The following ENPP2 variants were observed in gnomAD, a reference collection of about 807,000 sequenced individuals.
The protein encoded by ENPP2 is autotaxin.
In ENPP2, 51 loss-of-function variants were observed where a neutral mutation model predicts 120.2. The observed-to-expected ratio is 0.42, with a 90% CI of 0.34 to 0.54. The LOEUF (loss-of-function observed/expected upper bound fraction) is 0.54. ENPP2 is among the 20% of genes least tolerant of loss of function. The pLI is 0.04. For synonymous variants in ENPP2, 365 were observed against 366.4 expected, an observed-to-expected ratio of 1.00 and a Z score of 0.04; for missense variants, 920 against 1,066.5, an observed-to-expected ratio of 0.86 and a Z score of 1.91.
chr8:119,576,415 A>G (rs1264612595), intron 19 of ENPP2, among the ~76,000 whole-genome samples: 3 of 152,160 alleles, frequency 2.0e-5, no homozygotes, highest in Non-Finnish European at 2.9e-5. Context: ...TGGGATTACA[A>G]GTGTGAGCCA....
intron 1 of ENPP2, among the ~76,000 whole-genome samples, chr8:119,647,560 A>G (rs774049139): frequency 7.2e-5 from 11 of 152,198 alleles, no homozygotes; most frequent in Admixed American, 3.9e-4. Context: ...CATATTTTTT[A>G]ACATTAAAAC....
chr8:119,586,662 T>G (rs962078642), intron 14 of ENPP2, among the ~76,000 whole-genome samples: 1 of 151,748 alleles, frequency 6.6e-6, no homozygotes, highest in Non-Finnish European at 1.5e-5. Context: ...GAGGAGCACA[T>G]GGGTTTAGGC....
At chr8:119,672,711 G>A (rs1818286933) in intron 1 of ENPP2, among the ~76,000 whole-genome samples, 1 of 152,242 alleles carries the variant, frequency 6.6e-6, no homozygotes, top group Admixed American at 6.5e-5. Flanking sequence ...ACATCTTTGT[G>A]GAGCCTGCGA....
chr8:119,621,454 A>C lies in ENPP2; in HGVS notation c.358T>G (p.Cys120Gly). 1 of 1,613,522 alleles carries C rather than the reference A, an allele frequency of 6.2e-7. No homozygotes were observed. Among genetic ancestry groups the C allele is most frequent in the South Asian group, 1.1e-5 (1 of 91,078 alleles). ...EVRNEENACH[C>G]SEDCLARGDC... ...CCCCTGGCCAAGCAGTCCTCTGAGC[A>C]GTGACAGGCATTTTCTTCATTTCTG... Residue 120 changes from cysteine to glycine, a missense_variant, in exon 4 of 25, where the codon TGC becomes GGC. Transcript: ENST00000075322.
rs953599485 is a variant in ENPP2, at chr8:119,673,278, G to A, written c.-6C>T. The A allele has an allele frequency of 2.5e-5, 39 of 1,535,188 alleles. 1 individual carries two copies. The highest frequency in any genetic ancestry group is 2.2e-4 in the African/African-American group (16 of 73,010). Reference sequence around the variant, plus strand: ...CGATCGGCGTGGCGGGTCATGCTGCGGGAGTCTCGGCGTCTGTTCCTGCCC... The same window carrying A: ...CGATCGGCGTGGCGGGTCATGCTGCAGGAGTCTCGGCGTCTGTTCCTGCCC... On this transcript the variant is annotated 5_prime_UTR_variant, in exon 1 of 26. Transcript: ENST00000427067.
intron 24 of ENPP2, 96 bp from the exon 25 acceptor site, chr8:119,557,787 ACT>A: frequency 9.9e-7 from 1 of 1,013,630 alleles, no homozygotes; most frequent in Non-Finnish European, 1.4e-6. Flanking sequence ...ACCTCTGTGC[ACT>A]CTTGCACACA....
intron 1 of ENPP2, among the ~76,000 whole-genome samples, chr8:119,653,989 A>G (rs1021300010): frequency 6.8e-6 from 1 of 147,136 alleles, no homozygotes; most frequent in South Asian, 2.1e-4. Flanking sequence ...ATATATCTAT[A>G]GAAAATATTA....
intron 21 of ENPP2, among the ~76,000 whole-genome samples, chr8:119,568,754 C>A (rs1326303228): frequency 6.6e-6 from 1 of 152,170 alleles, no homozygotes; most frequent in Non-Finnish European, 1.5e-5. Context: ...GCGTGTGCCA[C>A]CAGCTCAGCT....
chr8:119,644,587 A>AATATATATATATATAT (rs33966650), intron 1 of ENPP2, among the ~76,000 whole-genome samples: 164 of 59,872 alleles, frequency 2.7e-3, no homozygotes, highest in Middle Eastern at 0.015. Context: ...AGATTACTAA[A>AATATATATATATATAT]ATATATATAT....
At chr8:119,578,227 T>C (rs1812483784) in intron 19 of ENPP2, 1 of 152,086 alleles carries the variant, frequency 6.6e-6, no homozygotes, top group Admixed American at 6.6e-5. Context: ...AATTTTTGTA[T>C]TTTTTTAGTA....
chr8:119,622,247 C>G (rs573093233), intron 3 of ENPP2, among the ~76,000 whole-genome samples: 6 of 152,054 alleles, frequency 3.9e-5, no homozygotes, highest in Non-Finnish European at 7.4e-5. Flanking sequence ...CTGTGCTTAG[C>G]GTTAATCAGT....
At chr8:119,668,720 C>T (rs1287273342) in intron 1 of ENPP2, among the ~76,000 whole-genome samples, 1 of 152,140 alleles carries the variant, frequency 6.6e-6, no homozygotes, top group Non-Finnish European at 1.5e-5. Flanking sequence ...AGCCACTGCA[C>T]CCAGCCTCTA....
intron 8 of ENPP2, among the ~76,000 whole-genome samples, chr8:119,612,209 G>T: frequency 6.6e-6 from 1 of 152,132 alleles, no homozygotes; most frequent in Middle Eastern, 3.2e-3. Flanking sequence ...AAGGCACCAG[G>T]TTAGCAGAGC....
intron 1 of ENPP2, among the ~76,000 whole-genome samples, chr8:119,653,086 G>A (rs1379546842): frequency 1.3e-5 from 2 of 152,270 alleles, no homozygotes; most frequent in South Asian, 2.1e-4. Flanking sequence ...GGAGGGGAAT[G>A]TTTCAGCTGA....
intron 2 of ENPP2, among the ~76,000 whole-genome samples, chr8:119,630,403 C>T (rs752723319): frequency 2.6e-5 from 4 of 152,268 alleles, no homozygotes; most frequent in African/African-American, 7.2e-5. Flanking sequence ...CCACCACATC[C>T]GGCCTATTTC....
At chr8:119,670,911 A>T (rs1023567675) in intron 1 of ENPP2, among the ~76,000 whole-genome samples, 1 of 152,202 alleles carries the variant, frequency 6.6e-6, no homozygotes, top group African/African-American at 2.4e-5. Context: ...CACCAAAATT[A>T]TTCTTGAAAG....
chr8:119,607,019 C>T (rs1247860364), intron 9 of ENPP2, among the ~76,000 whole-genome samples: 1 of 151,972 alleles, frequency 6.6e-6, no homozygotes, highest in East Asian at 1.9e-4. Context: ...ACTGCTTATC[C>T]CCCCATCACT....
At chr8:119,670,895 T>C (rs1333147472) in intron 1 of ENPP2, among the ~76,000 whole-genome samples, 1 of 152,188 alleles carries the variant, frequency 6.6e-6, no homozygotes, top group Non-Finnish European at 1.5e-5. Flanking sequence ...GTGGACAATG[T>C]GTATCCACCA....
chr8:119,646,130 G>A (rs923492439), intron 1 of ENPP2, among the ~76,000 whole-genome samples: 9 of 151,734 alleles, frequency 5.9e-5, no homozygotes, highest in Non-Finnish European at 1.0e-4. Flanking sequence ...CACCATACCC[G>A]GCTAATTTTT....
Sources: allele counts gnomAD v4.1 joint callset (sites outside exome capture counted in the v4.1 genomes callset), GRCh38; gene constraint gnomAD v4.1.1; transcripts MANE v1.5; gene names NCBI Gene and HGNC (gene_info 2026-07-23, HGNC 2026-07-21).